DNAJC19: variants seen among roughly 807,000 people sequenced by gnomAD.
DNAJC19 encodes mitochondrial import inner membrane translocase subunit TIM14.
In DNAJC19, 15 loss-of-function variants were observed where a neutral mutation model predicts 19.8. That is an observed-to-expected ratio of 0.76 (90% CI 0.51 to 1.17). DNAJC19 has a LOEUF of 1.17. DNAJC19 is among the 50% of genes most tolerant of loss of function. The pLI is 0.00. For missense variants in DNAJC19, 105 were observed against 140.9 expected (o/e 0.75, Z 1.29); for synonymous variants, 38 against 42.1 (o/e 0.90, Z 0.38).
At position 180,986,948 on chromosome 3, in the gene DNAJC19, A is replaced by G. The variant is rs1482173451; in HGVS notation, c.204T>C (p.Gly68=). The G allele has an allele frequency of 2.5e-6, 4 of 1,613,114 alleles. No individual in the cohort carries two copies. The highest frequency in any genetic ancestry group is 1.7e-5 in the Admixed American group (1 of 60,024). ...AATATTAGAGATTATTTTACCTTAC[A>G]CCTAGTATTAATGCTGCTTCCCGTT... is the stretch of plus-strand genomic sequence containing the variant. ...MTKREAALIL[G]VSPTANKGKI... The change falls in exon 4 of 6, where the codon GGT becomes GGC. Residue 68 remains glycine, a synonymous_variant. Coordinates refer to ENST00000382564, the MANE Select transcript of DNAJC19 (RefSeq NM_145261.4).
intron 1 of DNAJC19, among the ~76,000 whole-genome samples, chr3:180,988,956 C>T (rs1474129956): frequency 6.7e-6 from 1 of 148,450 alleles, no homozygotes; most frequent in African/African-American, 2.5e-5. Context: ...TGTAGTGAGC[C>T]AAGATTGTGC....
At chr3:180,984,792 C>A in intron 5 of DNAJC19, 82 bp from the exon 6 acceptor site, 1 of 974,086 alleles carries the variant, frequency 1.0e-6, no homozygotes, top group Non-Finnish European at 1.6e-6. Context: ...GTTTCAAGGA[C>A]TCCAATGCTT....
chr3:180,988,160 C>T lies in DNAJC19; in HGVS notation c.55+18G>A. 2 of 1,614,130 alleles carry T rather than the reference C, an allele frequency of 1.2e-6. No individual in the cohort carries two copies. Among genetic ancestry groups the T allele is most frequent in the African/African-American group, 1.3e-5 (1 of 75,020 alleles). On this transcript the variant is annotated intron_variant, in intron 2 of 5. Transcript: ENST00000382564. ...CAATCTCCCCGACTTCACTTCCATC[C>T]CCAAACCATAAACAAACCTGCAAAT... is the stretch of plus-strand genomic sequence containing the variant.
chr3:180,987,108 GA>G, intron 3 of DNAJC19, 86 bp from the exon 4 acceptor site: 1 of 1,192,994 alleles, frequency 8.4e-7, no homozygotes, highest in Non-Finnish European at 1.2e-6. Context: ...ACAGAACTAA[GA>G]AAAACTAAGA....
upstream of DNAJC19, chr3:180,989,744 G>C (rs1457038829): frequency 4.3e-6 from 6 of 1,398,674 alleles, no homozygotes; most frequent in Non-Finnish European, 5.9e-6. Context: ...CACGGCAGGA[G>C]CAGCCGCAAA....
chr3:180,987,861 G>A (rs1234809881), intron 3 of DNAJC19, 162 bp downstream of exon 3: 8 of 810,378 alleles, frequency 9.9e-6, no homozygotes, highest in East Asian at 2.6e-5. Flanking sequence ...TTTCAGGGTA[G>A]CACCATCACA....
intron 1 of DNAJC19, 106 bp downstream of exon 1, chr3:180,989,494 G>T: frequency 6.5e-7 from 1 of 1,542,834 alleles, no homozygotes; most frequent in Non-Finnish European, 8.8e-7. Context: ...CCTCCCGCCC[G>T]CAGTCGCACT....
At chr3:180,988,986 C>T (rs1320029040) in intron 1 of DNAJC19, among the ~76,000 whole-genome samples, 2 of 144,884 alleles carry the variant, frequency 1.4e-5, no homozygotes, top group African/African-American at 5.2e-5. Context: ...CCAGCCTAGG[C>T]GACCGAGCAA....
intron 3 of DNAJC19, chr3:180,987,267 G>A (rs1317665466): frequency 1.2e-5 from 6 of 517,606 alleles, no homozygotes; most frequent in Non-Finnish European, 2.1e-5. Flanking sequence ...AGAAATATAA[G>A]ACAAAATAAC....
At position 180,984,615 on chromosome 3, in the gene DNAJC19, A is replaced by T. The variant is rs1577023491; in HGVS notation, c.*25T>A. The stretch of plus-strand genomic sequence containing the variant: ...TACTCATATACATAAACTAATACGA[A>T]CTTAAAATTCATCATACATTTACTT... On this transcript the variant is annotated 3_prime_UTR_variant, in exon 6 of 6. Transcript: ENST00000382564. The T allele has an allele frequency of 6.5e-7, 1 of 1,538,108 alleles. No individual in the cohort carries two copies. The highest frequency in any genetic ancestry group is 1.1e-5 in the South Asian group (1 of 87,266).
chr3:180,985,970 C>T lies in DNAJC19; in HGVS notation c.236G>A (p.Arg79Lys). The T allele has an allele frequency of 6.2e-7, 1 of 1,613,378 alleles. No homozygotes were observed. The highest frequency in any genetic ancestry group is 2.2e-5 in the East Asian group (1 of 44,816). Residue 79 changes from arginine to lysine, a missense_variant, in exon 5 of 6, where the codon AGA becomes AAA. Arg to Lys is a conservative substitution (Grantham distance 26). Transcript: ENST00000382564. ...AAGCATAATTCGTCGATGAGCATCT[C>T]TTATTTTCCCTTTATTGGCAGTAGG... is the stretch of plus-strand genomic sequence containing the variant. ...VSPTANKGKI[R>K]DAHRRIMLLN...
chr3:180,984,642 A>AT lies in DNAJC19; in HGVS notation c.348dup (p.Ter117MetfsTer3). ...TTAAAATTCATCATACATTTACTTCATTTTTTAGCTTGACCTTCTAGTAAA... is the reference window on the plus strand; with the variant it reads ...TTAAAATTCATCATACATTTACTTCATTTTTTTAGCTTGACCTTCTAGTAAA... On this transcript the variant is annotated frameshift_variant, in exon 6 of 6. Coordinates refer to ENST00000382564, the MANE Select transcript of DNAJC19 (RefSeq NM_145261.4). LOFTEE classifies it high-confidence loss of function. The AT allele has an allele frequency of 2.5e-6, 4 of 1,600,424 alleles. No homozygotes were observed. The highest frequency in any genetic ancestry group is 2.6e-6 in the Non-Finnish European group (3 of 1,170,502).
rs1442716970 is a variant in DNAJC19, at chr3:180,983,776, A to G, written c.*864T>C. 5 of 453,202 alleles carry G rather than the reference A, an allele frequency of 1.1e-5. No individual in the cohort carries two copies. Among genetic ancestry groups the G allele is most frequent in the Non-Finnish European group, 2.2e-5 (5 of 226,484 alleles). The allele number at this position is 453,202 out of a possible 1,614,324, so 28.1% of individuals were successfully genotyped here. ...TAAAGAGTCCAAATTAAATATGTTG[A>G]TATTGAGAACATTTCAGTTTTCAGT... On this transcript the variant is annotated 3_prime_UTR_variant, in exon 6 of 6. Transcript: ENST00000382564.
At position 180,988,068 on chromosome 3, in the gene DNAJC19, A is replaced by G. The variant is rs768399273; in HGVS notation, c.84T>C (p.His28=). The G allele has an allele frequency of 3.1e-6, 5 of 1,614,086 alleles. No homozygotes were observed. The Admixed American group carries it at 8.3e-5, about 27-fold the overall frequency. The change falls in exon 3 of 6, where the codon CAT becomes CAC. Residue 28 remains histidine (H), a synonymous_variant. Coordinates refer to ENST00000382564, the MANE Select transcript of DNAJC19 (RefSeq NM_145261.4). The stretch of plus-strand genomic sequence containing the variant: ...AAACTTGTTTTACTTGAGGCTCCAT[A>G]TGCTTCATGGCTTGCAAAACGTAAC... ...AGRYVLQAMK[H]MEPQVKQVFQ...
chr3:180,988,340 A>G, intron 1 of DNAJC19, 111 bp from the exon 2 acceptor site: 1 of 1,217,100 alleles, frequency 8.2e-7, no homozygotes, highest in Non-Finnish European at 1.1e-6. Flanking sequence ...TAGGAGAAAC[A>G]ACTTTTTTTT....
At chr3:180,985,845 C>T in intron 5 of DNAJC19, 81 bp downstream of exon 5, 1 of 1,230,272 alleles carries the variant, frequency 8.1e-7, no homozygotes, top group Non-Finnish European at 1.2e-6. Flanking sequence ...TTTCTAATAG[C>T]CAGGAATTTG....
chr3:180,987,162 T>C, intron 3 of DNAJC19, 140 bp from the exon 4 acceptor site: 1 of 707,586 alleles, frequency 1.4e-6, no homozygotes, highest in South Asian at 1.7e-5. Context: ...GTATTTTAGC[T>C]AAAGCTGAAT....
rs886058204 is a variant in DNAJC19, at chr3:180,988,034, G to A, written c.118C>T (p.Leu40=). ...TAACAAAGTCTTACAGATTTTGGTA[G>A]GCTTTGAAAAACTTGTTTTACTTGA... ...EPQVKQVFQS[L]PKSAFSGGYY... is the part of the protein sequence containing the mutation. The change falls in exon 3 of 6, where the codon CTA becomes TTA. Residue 40 remains leucine, a synonymous_variant. Transcript: ENST00000382564. 1 of 1,614,144 alleles carries A rather than the reference G, an allele frequency of 6.2e-7. No homozygotes were observed. The highest frequency in any genetic ancestry group is 8.5e-7 in the Non-Finnish European group (1 of 1,180,016).
chr3:180,988,372 T>TA, intron 1 of DNAJC19, 143 bp from the exon 2 acceptor site: 2 of 869,062 alleles, frequency 2.3e-6, no homozygotes, highest in Non-Finnish European at 3.4e-6. Flanking sequence ...TTTTTTTTTT[T>TA]AAGAGACGGA....
Sources: gnomAD v4.1 joint callset for allele counts (sites outside exome capture counted in the v4.1 genomes callset) on GRCh38, gnomAD v4.1.1 for gene constraint, MANE v1.5 for transcripts, NCBI Gene and HGNC (gene_info 2026-07-23, HGNC 2026-07-21) for gene names.